The following ARHGAP25 variants were observed in gnomAD, a reference collection of about 807,000 sequenced individuals.
The protein encoded by ARHGAP25 is rho GTPase-activating protein 25.
Under a neutral mutation model 71.0 loss-of-function variants are expected in ARHGAP25, and 34 were observed. The observed-to-expected ratio is 0.48, with a 90% CI of 0.36 to 0.64. The LOEUF (loss-of-function observed/expected upper bound fraction) is 0.64. Ranked by LOEUF, ARHGAP25 falls within the 30% of genes least tolerant of loss-of-function variation. The probability of loss-of-function intolerance (pLI) is 0.00; values close to 1 mark genes in which losing one functional copy is unlikely to be tolerated. For missense variants in ARHGAP25, 706 were observed against 805.1 expected, an observed-to-expected ratio of 0.88 and a Z score of 1.49; for synonymous variants, 282 against 296.5, an observed-to-expected ratio of 0.95 and a Z score of 0.50.
chr2:68,775,501 C>G, intron 2 of ARHGAP25, 81 bp downstream of exon 2: 2 of 1,598,254 alleles, frequency 1.3e-6, no homozygotes, highest in Non-Finnish European at 1.7e-6. Context: ...CTTAAACTCA[C>G]AGGGGCCTTC....
At chr2:68,790,703 C>T (rs1679109544) in intron 4 of ARHGAP25, among the ~76,000 whole-genome samples, 1 of 152,168 alleles carries the variant, frequency 6.6e-6, no homozygotes, top group Non-Finnish European at 1.5e-5. Context: ...TGTCAAATTA[C>T]AGCACTAACC....
chr2:68,713,988 TGC>T, intron 2 of ARHGAP25, among the ~76,000 whole-genome samples: 2 of 152,242 alleles, frequency 1.3e-5, no homozygotes, highest in Non-Finnish European at 2.9e-5. Context: ...ATCAGGATGA[TGC>T]TAGCCTCATC....
In ARHGAP25 at chr2:68,752,969, C is replaced by A. The variant is rs528638607; in HGVS notation, c.61+17709C>A. ...CTTTATTGTTGGGGGCCATCCTATGCATTGTAGGGTAGTCCCTGGACTTTA... is the reference window on the plus strand; with the variant it reads ...CTTTATTGTTGGGGGCCATCCTATGAATTGTAGGGTAGTCCCTGGACTTTA... On this transcript the variant is annotated intron_variant, in intron 1 of 10. Coordinates refer to ENST00000409202, the MANE Select transcript of ARHGAP25 (RefSeq NM_001007231.3). Among the ~76,000 whole-genome samples, 540 of 152,178 alleles carry A rather than the reference C, an allele frequency of 3.5e-3. 5 individuals carry two copies. The highest frequency in any genetic ancestry group is 0.012 in the African/African-American group (513 of 41,518).
intron 1 of ARHGAP25, among the ~76,000 whole-genome samples, chr2:68,763,700 G>C (rs1210619508): frequency 6.6e-6 from 1 of 152,122 alleles, no homozygotes; most frequent in Non-Finnish European, 1.5e-5. Context: ...TGACAAAACA[G>C]TCAAAAATCT....
At chr2:68,760,750 T>G (rs953652730) in intron 1 of ARHGAP25, among the ~76,000 whole-genome samples, 1 of 151,122 alleles carries the variant, frequency 6.6e-6, no homozygotes, top group Non-Finnish European at 1.5e-5. Flanking sequence ...CTTAATACTA[T>G]CCAAACCAAC....
rs11314943 is a variant in ARHGAP25 at position 68,720,316 on chromosome 2, C to CAA, written c.-18+9634_-18+9635dup. The stretch of plus-strand genomic sequence containing the variant: ...ATTGCAGACATAGAAACATTTCAGT[C>CAA]AAAAAAAAAAAAAAAAAGAAAAGAA... On this transcript the variant is annotated intron_variant and NMD_transcript_variant, in intron 2 of 7. Transcript: ENST00000463483. Among the ~76,000 whole-genome samples, 196 of 75,678 alleles carry CAA rather than the reference C, an allele frequency of 2.6e-3. 3 individuals carry two copies. The East Asian group carries it at 0.034, about 13-fold the overall frequency. 49.6% of individuals were successfully genotyped at this position (75,678 alleles called of 152,430 possible).
intron 1 of ARHGAP25, among the ~76,000 whole-genome samples, chr2:68,739,628 A>T (rs952478385): frequency 6.6e-6 from 1 of 152,178 alleles, no homozygotes; most frequent in Non-Finnish European, 1.5e-5. Context: ...GATACAAGAC[A>T]TGGGAGGGAG....
At chr2:68,739,583 G>A (rs1270736491) in intron 1 of ARHGAP25, among the ~76,000 whole-genome samples, 3 of 152,222 alleles carry the variant, frequency 2.0e-5, no homozygotes, top group South Asian at 2.1e-4. Context: ...TGGCATGAAG[G>A]TGCACCCCAG....
chr2:68,749,272 A>G (rs1428277222), intron 1 of ARHGAP25, among the ~76,000 whole-genome samples: 1 of 152,130 alleles, frequency 6.6e-6, no homozygotes, highest in Non-Finnish European at 1.5e-5. Flanking sequence ...GGGGCTCTAC[A>G]TTTTCATTTT....
chr2:68,717,214 A>T (rs996135548), intron 2 of ARHGAP25, among the ~76,000 whole-genome samples: 2 of 152,240 alleles, frequency 1.3e-5, no homozygotes, highest in African/African-American at 4.8e-5. Context: ...CTAAACATAG[A>T]AAAGGTACAG....
chr2:68,796,538 G>C (rs375506454), intron 4 of ARHGAP25, among the ~76,000 whole-genome samples: 4 of 152,194 alleles, frequency 2.6e-5, no homozygotes, highest in African/African-American at 9.6e-5. Flanking sequence ...GATGTTGGTT[G>C]GGTAGGGCCA....
chr2:68,761,316 A>G (rs1277018511), intron 1 of ARHGAP25, among the ~76,000 whole-genome samples: 2 of 152,106 alleles, frequency 1.3e-5, no homozygotes, highest in African/African-American at 4.8e-5. Context: ...AAACTTCACA[A>G]CACTGAATTT....
At chr2:68,723,356 A>C (rs1361059395) in intron 2 of ARHGAP25, among the ~76,000 whole-genome samples, 2 of 152,218 alleles carry the variant, frequency 1.3e-5, no homozygotes, top group African/African-American at 4.8e-5. Context: ...GCCATGCCAC[A>C]TCCTGGTGGG....
intron 6 of ARHGAP25, among the ~76,000 whole-genome samples, chr2:68,813,803 C>T (rs768623955): frequency 7.9e-5 from 12 of 152,104 alleles, no homozygotes; most frequent in Non-Finnish European, 1.6e-4. Context: ...GAGTGTCAGG[C>T]GTGGTCATCC....
chr2:68,773,789 C>A (rs771090504), intron 1 of ARHGAP25, among the ~76,000 whole-genome samples: 1 of 152,146 alleles, frequency 6.6e-6, no homozygotes, highest in African/African-American at 2.4e-5. Context: ...GACTCCCATC[C>A]TTTTAGTAGG....
At chr2:68,749,542 G>A (rs971814125) in intron 1 of ARHGAP25, among the ~76,000 whole-genome samples, 2 of 152,270 alleles carry the variant, frequency 1.3e-5, no homozygotes, top group South Asian at 2.1e-4. Context: ...TTCTCTGTGA[G>A]CACCCCAGTG....
chr2:68,787,877 T>C lies in ARHGAP25; in HGVS notation c.387T>C (p.Tyr129=), dbSNP rs1678868396. ...WDQNRMGQDS[Y]VLMASSQAEM... ...AGAATCGCATGGGACAGGACTCCTA[T>C]GTCCTCATGGCCAGCTCTCAGGCGG... The change falls in exon 4 of 11, where the codon TAT becomes TAC. Residue 129 remains tyrosine, a synonymous_variant. Coordinates refer to ENST00000409202, the MANE Select transcript of ARHGAP25 (RefSeq NM_001007231.3). 6.2e-7 allele frequency: 1 copy of C among 1,614,216 alleles called. No individual in the cohort carries two copies.
At position 68,767,897 on chromosome 2, in the gene ARHGAP25, G is replaced by A. The variant is rs1348545263; in HGVS notation, c.62-7324G>A. Among the ~76,000 whole-genome samples, 2 of 152,214 alleles carry A rather than the reference G, an allele frequency of 1.3e-5. No homozygotes were observed. Among genetic ancestry groups the A allele is most frequent in the East Asian group, 3.8e-4 (2 of 5,198 alleles). The stretch of plus-strand genomic sequence containing the variant: ...TGGGGCTGAGGCAGCTGCTTCACAT[G>A]ATAGGTTAGGAGTAGTGGCTTTGTT... On this transcript the variant is annotated intron_variant, in intron 1 of 10. Transcript: ENST00000409202. This position sits in a 1 kb window ranked among gnomAD's most constrained non-coding sequence, Gnocchi z 4.6.
At chr2:68,756,744 T>C (rs1365790028) in intron 1 of ARHGAP25, among the ~76,000 whole-genome samples, 2 of 152,102 alleles carry the variant, frequency 1.3e-5, no homozygotes, top group East Asian at 3.9e-4. Context: ...TATCCAGTTG[T>C]TAGCAAAAAA....
Sources: gnomAD v4.1 joint callset for allele counts (sites outside exome capture counted in the v4.1 genomes callset) on GRCh38, gnomAD v4.1.1 for gene constraint, Gnocchi (gnomAD v3.1) non-coding constraint, MANE v1.5 for transcripts, NCBI Gene and HGNC (gene_info 2026-07-23, HGNC 2026-07-21) for gene names.